The following SH3RF1 variants were observed in gnomAD, a reference collection of about 807,000 sequenced individuals.
The protein encoded by SH3RF1 is E3 ubiquitin-protein ligase SH3RF1.
Under a neutral mutation model 74.0 loss-of-function variants are expected in SH3RF1, and 32 were observed. That is an observed-to-expected ratio of 0.43 (90% CI 0.33 to 0.58). SH3RF1 has a LOEUF of 0.58. Ranked by LOEUF, SH3RF1 falls within the 20% of genes least tolerant of loss-of-function variation. The pLI, the probability that SH3RF1 is intolerant of heterozygous loss-of-function variation, is 0.05. For synonymous variants in SH3RF1, 396 were observed against 439.6 expected (o/e 0.90, Z 1.24); for missense variants, 954 against 1,130.9 (o/e 0.84, Z 2.24).
chr4:169,228,950 A>AAAAC (rs550226397), intron 2 of SH3RF1, among the ~76,000 whole-genome samples: 70 of 149,248 alleles, frequency 4.7e-4, no homozygotes, highest in South Asian at 2.3e-3. Context: ...TGTTCTTCGA[A>AAAAC]AAACAAACAA....
chr4:169,205,616 A>C (rs551786136), intron 2 of SH3RF1, among the ~76,000 whole-genome samples: 2 of 152,274 alleles, frequency 1.3e-5, no homozygotes, highest in East Asian at 3.9e-4. Flanking sequence ...GTGTTGACAA[A>C]TACGCACCTG....
chr4:169,174,410 TTC>T (rs1734383743), intron 2 of SH3RF1, among the ~76,000 whole-genome samples: 1 of 152,168 alleles, frequency 6.6e-6, no homozygotes, highest in South Asian at 2.1e-4. Flanking sequence ...TCACCTGGAC[TTC>T]CTGTTAAATG....
intron 2 of SH3RF1, among the ~76,000 whole-genome samples, chr4:169,222,481 T>C (rs1040066590): frequency 2.0e-5 from 3 of 149,014 alleles, no homozygotes; most frequent in South Asian, 4.2e-4. Context: ...TACATATATA[T>C]GTATTTTATA....
rs1732939726 is a variant in SH3RF1 at position 169,096,804 on chromosome 4, G to A, written c.2499-117C>T. 1.6e-5 allele frequency: 16 copies of A among 1,012,856 alleles called. No individual in the cohort carries two copies. In the East Asian group the frequency reaches 4.1e-4, roughly 26 times the overall value. 62.7% of individuals were successfully genotyped at this position (1,012,856 alleles called of 1,614,324 possible). On this transcript the variant is annotated intron_variant, in intron 11 of 11. Transcript: ENST00000284637. ...TAGGAAATAACATTAATTCATTTAT[G>A]ATTGTAAAACAACTCAAAATACTGC...
intron 2 of SH3RF1, among the ~76,000 whole-genome samples, chr4:169,246,615 C>T (rs1730997841): frequency 6.6e-6 from 1 of 152,242 alleles, no homozygotes; most frequent in African/African-American, 2.4e-5. Flanking sequence ...CCAATCTTAG[C>T]TGATGCATCT....
At position 169,202,144 on chromosome 4, in the gene SH3RF1, T is replaced by C. The variant is rs189810590; in HGVS notation, c.394-45465A>G. ...GTTATCTCTGACCTCAGGATATAGA[T>C]ACTGAGTTGCAATGGAAGTACTTAT... On this transcript the variant is annotated intron_variant, in intron 2 of 11. Coordinates refer to ENST00000284637, the MANE Select transcript of SH3RF1 (RefSeq NM_020870.4). Among the ~76,000 whole-genome samples the C allele has an allele frequency of 3.7e-4, 56 of 152,314 alleles. No individual in the cohort carries two copies. The East Asian group carries it at 0.011, about 29-fold the overall frequency.
At chr4:169,185,074 G>C (rs1050073398) in intron 2 of SH3RF1, among the ~76,000 whole-genome samples, 1 of 152,204 alleles carries the variant, frequency 6.6e-6, no homozygotes, top group Non-Finnish European at 1.5e-5. Context: ...AGGTTTAATA[G>C]GAGTGTCAAG....
At chr4:169,267,450 T>C (rs1731371966) in intron 2 of SH3RF1, among the ~76,000 whole-genome samples, 1 of 152,144 alleles carries the variant, frequency 6.6e-6, no homozygotes, top group Non-Finnish European at 1.5e-5. Context: ...CGAGTCCAAA[T>C]AAGTAAACTC....
chr4:169,142,530 T>C (rs1733804071), intron 4 of SH3RF1, among the ~76,000 whole-genome samples: 1 of 152,234 alleles, frequency 6.6e-6, no homozygotes, highest in Admixed American at 6.5e-5. Context: ...TATGCCCATC[T>C]GGTTTTGCAT....
intron 2 of SH3RF1, among the ~76,000 whole-genome samples, chr4:169,252,316 TTATAAAA>T (rs1471608741): frequency 6.6e-6 from 1 of 152,242 alleles, no homozygotes; most frequent in Non-Finnish European, 1.5e-5. Context: ...TCTTTCAAGA[TTATAAAA>T]TATCTTGTCA....
At chr4:169,262,633 C>T (rs141988697) in intron 2 of SH3RF1, among the ~76,000 whole-genome samples, 81 of 152,148 alleles carry the variant, frequency 5.3e-4, no homozygotes, top group Non-Finnish European at 1.0e-3. Context: ...CACCATCGCC[C>T]TCCAGCCTGG....
chr4:169,155,562 G>T lies in SH3RF1; in HGVS notation c.683C>A (p.Thr228Asn), dbSNP rs1734035235. 3 of 1,612,770 alleles carry T rather than the reference G, an allele frequency of 1.9e-6. No homozygotes were observed. The highest frequency in any genetic ancestry group is 2.7e-5 in the African/African-American group (2 of 75,000). ...CLPFAKDDVL[T>N]VIRRVDENWA... ...GTTTTCATCCACTCTTCGGATCACA[G>T]TCAGAACATCATCCTGAAGAAACAG... The change falls in exon 4 of 12, where the codon ACT becomes AAT. Residue 228 changes from threonine (T) to asparagine (N), a missense_variant. Transcript: ENST00000284637.
chr4:169,228,958 C>A (rs2127006087), intron 2 of SH3RF1, among the ~76,000 whole-genome samples: 1 of 152,116 alleles, frequency 6.6e-6, no homozygotes, highest in South Asian at 2.1e-4. Context: ...GAAAAACAAA[C>A]AAACAAACAA....
chr4:169,219,737 A>T (rs887009512), intron 2 of SH3RF1, among the ~76,000 whole-genome samples: 3 of 152,242 alleles, frequency 2.0e-5, no homozygotes, highest in African/African-American at 7.2e-5. Flanking sequence ...TTGCTGTTCA[A>T]ACCAGGGGTT....
chr4:169,166,291 G>T (rs1734241533), intron 2 of SH3RF1: 1 of 152,994 alleles, frequency 6.5e-6, no homozygotes, highest in African/African-American at 2.4e-5. Flanking sequence ...AAAAAATTGA[G>T]AAGCTGGATA....
intron 11 of SH3RF1, among the ~76,000 whole-genome samples, chr4:169,101,101 C>T (rs1030249490): frequency 1.3e-5 from 2 of 152,140 alleles, no homozygotes; most frequent in African/African-American, 2.4e-5. Flanking sequence ...CATCTGTGTC[C>T]GTCTCGTTTA....
chr4:169,236,416 C>T (rs941243088), intron 2 of SH3RF1, among the ~76,000 whole-genome samples: 5 of 152,148 alleles, frequency 3.3e-5, no homozygotes, highest in African/African-American at 1.2e-4. Context: ...CAACGTATAC[C>T]TTGAGTGAGA....
Position 169,160,073 on chromosome 4 carries a change from G to A in SH3RF1, c.394-3394C>T, listed in dbSNP as rs17054801. The stretch of plus-strand genomic sequence containing the variant: ...TAATTGAAAATCCCATTACAAACTC[G>A]GTGACAAATAACTCTATTCACCATT... On this transcript the variant is annotated intron_variant, in intron 2 of 11. Coordinates refer to ENST00000284637, the MANE Select transcript of SH3RF1 (RefSeq NM_020870.4). Among the ~76,000 whole-genome samples, 798 of 152,182 alleles carry A rather than the reference G, an allele frequency of 5.2e-3. 9 individuals are homozygous for A. Among genetic ancestry groups the A allele is most frequent in the African/African-American group, 0.018 (760 of 41,522 alleles).
chr4:169,253,947 A>G (rs1445042595), intron 2 of SH3RF1, among the ~76,000 whole-genome samples: 2 of 152,218 alleles, frequency 1.3e-5, no homozygotes, highest in East Asian at 1.9e-4. Context: ...CTAGGAAAAC[A>G]TGATTTCTAG....
Sources: gnomAD v4.1 joint callset for allele counts (sites outside exome capture counted in the v4.1 genomes callset) on GRCh38, gnomAD v4.1.1 for gene constraint, MANE v1.5 for transcripts, NCBI Gene and HGNC (gene_info 2026-07-23, HGNC 2026-07-21) for gene names.